PLB1: variants seen among roughly 807,000 people sequenced by gnomAD.
PLB1 encodes phospholipase B1, membrane-associated.
A neutral mutation model predicts 227.4 loss-of-function variants in PLB1; 242 were observed. The observed-to-expected ratio is 1.06, with a 90% CI of 0.96 to 1.18. The LOEUF (loss-of-function observed/expected upper bound fraction) is 1.18, where lower values mean the gene tolerates loss of function less well. Among genes scored for constraint, PLB1 ranks in the 50% most tolerant of loss-of-function variants. PLB1 has a pLI of 0.00. For synonymous variants in PLB1, 757 were observed against 682.2 expected, an observed-to-expected ratio of 1.11 and a Z score of -1.71; for missense variants, 1,858 against 1,816.3, an observed-to-expected ratio of 1.02 and a Z score of -0.42.
chr2:28,630,712 G>A, intron 54 of PLB1, 48 bp downstream of exon 54: 1 of 1,488,808 alleles, frequency 6.7e-7, no homozygotes, highest in Admixed American at 1.9e-5. Flanking sequence ...GGGGCCCCCT[G>A]TACTCCAAGG....
chr2:28,519,791 G>A, intron 4 of PLB1, 28 bp downstream of exon 4: 1 of 1,588,990 alleles, frequency 6.3e-7, no homozygotes, highest in Non-Finnish European at 8.6e-7. Context: ...CTTGGGGCAG[G>A]AGACAGAGTT....
intron 22 of PLB1, among the ~76,000 whole-genome samples, chr2:28,579,223 C>T (rs1679504012): frequency 6.6e-6 from 1 of 152,170 alleles, no homozygotes; most frequent in African/African-American, 2.4e-5. Context: ...TCCCTTAAGG[C>T]ACAATTAGAA....
At position 28,632,943 on chromosome 2, in the gene PLB1, G is replaced by C. The variant is rs779904534; in HGVS notation, c.4003-1G>C. On this transcript the variant is annotated splice_acceptor_variant, in intron 55 of 57. Coordinates refer to ENST00000327757, the MANE Select transcript of PLB1 (RefSeq NM_153021.5). LOFTEE classifies it high-confidence loss of function. Reference sequence around the variant, plus strand: ...GATAACCTCCTTGCCGTTGGTTGCAGAGAGGGGACACTGACCTCACCTTCT... The same window carrying C: ...GATAACCTCCTTGCCGTTGGTTGCACAGAGGGGACACTGACCTCACCTTCT... 9 of 1,613,314 alleles carry C rather than the reference G, an allele frequency of 5.6e-6. No homozygotes were observed. Among genetic ancestry groups the C allele is most frequent in the African/African-American group, 1.3e-5 (1 of 74,904 alleles).
chr2:28,534,185 T>G (rs541580420), intron 9 of PLB1, among the ~76,000 whole-genome samples: 2 of 152,326 alleles, frequency 1.3e-5, no homozygotes, highest in East Asian at 3.9e-4. Flanking sequence ...CCATGAGTAT[T>G]TTGCTGTGTA....
At chr2:28,637,355 T>TTATC (rs1689491194) in intron 56 of PLB1, among the ~76,000 whole-genome samples, 1 of 151,652 alleles carries the variant, frequency 6.6e-6, no homozygotes, top group South Asian at 2.1e-4. Flanking sequence ...CTGACCGGGC[T>TTATC]TATCCCCAGA....
intron 45 of PLB1, 141 bp downstream of exon 45, chr2:28,617,928 C>A: frequency 1.2e-6 from 1 of 831,930 alleles, no homozygotes; most frequent in Non-Finnish European, 2.0e-6. Flanking sequence ...CTGCGGCCTG[C>A]CGCCACAGCT....
chr2:28,626,418 G>A lies in PLB1; in HGVS notation c.3580-10G>A. On this transcript the variant is annotated splice_polypyrimidine_tract_variant and intron_variant, in intron 50 of 57. Coordinates refer to ENST00000327757, the MANE Select transcript of PLB1 (RefSeq NM_153021.5). ...CCAAGGCCTAAACTCAGGATCTTCT[G>A]TCCCCTCAGGACATCAACCTGGAGA... 6.2e-7 allele frequency: 1 copy of A among 1,613,084 alleles called. No homozygotes were observed. Among genetic ancestry groups the A allele is most frequent in the Non-Finnish European group, 8.5e-7 (1 of 1,179,086 alleles).
chr2:28,626,153 G>A (rs1034198566), intron 50 of PLB1, among the ~76,000 whole-genome samples: 3 of 151,964 alleles, frequency 2.0e-5, no homozygotes, highest in Non-Finnish European at 4.4e-5. Context: ...CTGCCACCAG[G>A]CCAGGCTAAT....
chr2:28,592,433 C>T (rs544918533), intron 31 of PLB1, among the ~76,000 whole-genome samples: 1 of 151,946 alleles, frequency 6.6e-6, no homozygotes, highest in African/African-American at 2.4e-5. Flanking sequence ...TCTTCTCCCT[C>T]CTTCTCCCTC....
intron 29 of PLB1, 25 bp from the exon 30 acceptor site, chr2:28,591,108 A>G (rs960036425): frequency 1.2e-6 from 2 of 1,614,006 alleles, no homozygotes; most frequent in African/African-American, 1.3e-5. Context: ...ATTTGCTGCC[A>G]TTGCTCACCC....
intron 14 of PLB1, among the ~76,000 whole-genome samples, chr2:28,546,823 T>C (rs977046721): frequency 6.6e-6 from 1 of 152,180 alleles, no homozygotes; most frequent in African/African-American, 2.4e-5. Context: ...AAATAGACTC[T>C]GCTTTATCCA....
Position 28,598,735 on chromosome 2 carries a change from C to A in PLB1, c.2449C>A (p.Gln817Lys). ...CAATGACACGAATGCATTCCTCAAT[C>A]AAGCTGTTCCCGGAGCAAAGGCTGA... ...DANDTNAFLN[Q>K]AVPGAKAEDL... Residue 817 changes from glutamine to lysine, a missense_variant, in exon 35 of 58, where the codon CAA (glutamine) becomes AAA (lysine). Transcript: ENST00000327757. 1.2e-6 allele frequency: 2 copies of A among 1,614,158 alleles called. No homozygotes were observed. Among genetic ancestry groups the A allele is most frequent in the Non-Finnish European group, 1.7e-6 (2 of 1,179,948 alleles).
chr2:28,524,225 T>C (rs1300846452), intron 4 of PLB1, among the ~76,000 whole-genome samples: 1 of 152,204 alleles, frequency 6.6e-6, no homozygotes, highest in African/African-American at 2.4e-5. Context: ...CTGGAGATAC[T>C]GTCTTCTAGG....
chr2:28,626,358 GC>G (rs1164300693), intron 50 of PLB1, 69 bp from the exon 51 acceptor site: 1 of 1,345,598 alleles, frequency 7.4e-7, no homozygotes. Context: ...GGGCGGGCGG[GC>G]TGGCCCAGTA....
In PLB1 at chr2:28,620,873, C is replaced by G. The variant is rs1166176288; in HGVS notation, c.3428-6C>G. On this transcript the variant is annotated splice_region_variant and splice_polypyrimidine_tract_variant and intron_variant, in intron 48 of 57. Transcript: ENST00000327757. ...GTGCTCTTCTCCTCCTCCTCCTCCT[C>G]TAAAGACATTCTGAAGAAGTTCAAC... 6 of 1,612,298 alleles carry G rather than the reference C, an allele frequency of 3.7e-6. No homozygotes were observed. The highest frequency in any genetic ancestry group is 1.7e-5 in the Admixed American group (1 of 60,024).
intron 1 of PLB1, among the ~76,000 whole-genome samples, chr2:28,497,423 A>G (rs1666583351): frequency 6.6e-6 from 1 of 152,190 alleles, no homozygotes; most frequent in South Asian, 2.1e-4. Flanking sequence ...TTCACAGTGG[A>G]AAAAAGGGAA....
intron 2 of PLB1, among the ~76,000 whole-genome samples, 180 bp downstream of exon 2, chr2:28,517,049 C>G (rs140680574): frequency 2.7e-4 from 41 of 152,258 alleles, no homozygotes; most frequent in Non-Finnish European, 4.0e-4. Flanking sequence ...GAGTGTGTGT[C>G]CTGGAATTTG....
chr2:28,536,801 T>G (rs1380716380), intron 9 of PLB1, among the ~76,000 whole-genome samples: 1 of 152,136 alleles, frequency 6.6e-6, no homozygotes, highest in Non-Finnish European at 1.5e-5. Flanking sequence ...TACTGAGAAA[T>G]GGGGACAGTT....
chr2:28,586,616 G>A (rs1680945321), intron 26 of PLB1, among the ~76,000 whole-genome samples: 1 of 152,168 alleles, frequency 6.6e-6, no homozygotes, highest in Non-Finnish European at 1.5e-5. Flanking sequence ...CCCATTTTGG[G>A]GGCAGCTAGA....
Sources: allele counts gnomAD v4.1 joint callset (sites outside exome capture counted in the v4.1 genomes callset), GRCh38; gene constraint gnomAD v4.1.1; transcripts MANE v1.5; gene names NCBI Gene and HGNC (gene_info 2026-07-23, HGNC 2026-07-21).